Variants in GPAM observed in about 807,000 individuals in gnomAD.
The protein encoded by GPAM is glycerol-3-phosphate acyltransferase, mitochondrial, also known as glycerol-3-phosphate acyltransferase 1, mitochondrial.
A neutral mutation model predicts 105.0 loss-of-function variants in GPAM; 56 were observed. That is an observed-to-expected ratio of 0.53 (90% CI 0.43 to 0.67). The LOEUF (loss-of-function observed/expected upper bound fraction) is 0.67, where lower values mean the gene tolerates loss of function less well. GPAM is among the 30% of genes least tolerant of loss of function. The pLI, the probability that GPAM is intolerant of heterozygous loss-of-function variation, is 0.00. For missense variants in GPAM, 855 were observed against 989.8 expected (o/e 0.86, Z 1.83); for synonymous variants, 368 against 354.4 (o/e 1.04, Z -0.43).
chr10:112,215,176 T>G (rs900121902), exon 1 of GPAM: 2 of 152,208 alleles, frequency 1.3e-5, no homozygotes, highest in Non-Finnish European at 2.9e-5. Flanking sequence ...ACCTGTATCC[T>G]TGACTTGGTG....
chr10:112,169,649 A>C (rs1345242576), intron 9 of GPAM, among the ~76,000 whole-genome samples: 1 of 152,200 alleles, frequency 6.6e-6, no homozygotes, highest in Non-Finnish European at 1.5e-5. Flanking sequence ...TGATACTAAC[A>C]TAAACATTAA....
Position 112,150,996 on chromosome 10 carries a change from G to GT in GPAM, c.*2553dup, listed in dbSNP as rs1303653579. The GT allele has an allele frequency of 3.0e-6, 3 of 985,412 alleles. No individual in the cohort carries two copies. In the Admixed American group the frequency reaches 1.8e-4, roughly 61 times the overall value. The allele number at this position is 985,412 out of a possible 1,614,324, so 61.0% of individuals were successfully genotyped here. A position where few individuals can be genotyped will look rare whatever the true frequency, so the allele number is the denominator to read the frequency against. ...TAACAGTTCTACACATTTCCCACTA[G>GT]TTTTTGCCTTTGTTTTTCATGCATT... is the stretch of plus-strand genomic sequence containing the variant. On this transcript the variant is annotated 3_prime_UTR_variant, in exon 22 of 22. Coordinates refer to ENST00000348367, the MANE Select transcript of GPAM (RefSeq NM_001244949.2).
At chr10:112,172,646 G>A (rs1410041730) in intron 8 of GPAM, among the ~76,000 whole-genome samples, 1 of 152,192 alleles carries the variant, frequency 6.6e-6, no homozygotes, top group Non-Finnish European at 1.5e-5. Context: ...TCCAGGGCAA[G>A]TCACTTATTA....
At chr10:112,195,424 C>T (rs1044883452) in intron 1 of GPAM, among the ~76,000 whole-genome samples, 6 of 152,192 alleles carry the variant, frequency 3.9e-5, no homozygotes, top group Admixed American at 1.3e-4. Flanking sequence ...CACTTCCCCA[C>T]GAAAGCCAGG....
At chr10:112,213,185 C>T (rs1847931543) in intron 1 of GPAM, among the ~76,000 whole-genome samples, 1 of 152,178 alleles carries the variant, frequency 6.6e-6, no homozygotes, top group Non-Finnish European at 1.5e-5. Flanking sequence ...AGCCTGCTAT[C>T]ATTCATTCAT....
chr10:112,190,395 C>T (rs1847642514), intron 1 of GPAM, among the ~76,000 whole-genome samples: 1 of 151,568 alleles, frequency 6.6e-6, no homozygotes, highest in Non-Finnish European at 1.5e-5. Context: ...ATACCAGCTG[C>T]TCGGGAGGCT....
intron 5 of GPAM, among the ~76,000 whole-genome samples, chr10:112,177,001 A>T (rs1479715104): frequency 6.6e-6 from 1 of 152,108 alleles, no homozygotes; most frequent in African/African-American, 2.4e-5. Flanking sequence ...CATAAGGAAG[A>T]CTCTGAGATC....
At chr10:112,176,871 C>T (rs1417727766) in intron 5 of GPAM, among the ~76,000 whole-genome samples, 3 of 152,204 alleles carry the variant, frequency 2.0e-5, no homozygotes, top group Non-Finnish European at 4.4e-5. Context: ...GAACATGCAG[C>T]TTATTTCACT....
chr10:112,184,382 C>T (rs1396293233), upstream of GPAM, among the ~76,000 whole-genome samples: 1 of 152,146 alleles, frequency 6.6e-6, no homozygotes, highest in African/African-American at 2.4e-5. Context: ...CAAAAGTTCT[C>T]ACCATGAAAA....
intron 1 of GPAM, among the ~76,000 whole-genome samples, chr10:112,193,461 G>C (rs1312108977): frequency 2.0e-5 from 3 of 152,208 alleles, no homozygotes; most frequent in Non-Finnish European, 4.4e-5. Flanking sequence ...CTAAGATCTA[G>C]AGTAGAGCAG....
At chr10:112,191,101 C>A (rs771014762) in intron 1 of GPAM, among the ~76,000 whole-genome samples, 58 of 152,144 alleles carry the variant, frequency 3.8e-4, no homozygotes, top group Non-Finnish European at 7.4e-4. Context: ...GCCAATCAGA[C>A]GGGAAGACAA....
chr10:112,191,664 CA>C (rs961258811), intron 1 of GPAM, among the ~76,000 whole-genome samples: 2 of 151,882 alleles, frequency 1.3e-5, no homozygotes, highest in African/African-American at 4.8e-5. Context: ...TGATCAAAAG[CA>C]AAAAAATGAG....
In GPAM at chr10:112,160,469, G is replaced by A. The variant is rs116387616; in HGVS notation, c.1759+135C>T. The A allele has an allele frequency of 1.3e-3, 1,595 of 1,218,108 alleles. 16 individuals are homozygous for A. The African/African-American group carries it at 0.021, about 16-fold the overall frequency. The allele number at this position is 1,218,108 out of a possible 1,614,324, so 75.5% of individuals were successfully genotyped here. On this transcript the variant is annotated intron_variant, in intron 16 of 21. Coordinates refer to ENST00000348367, the MANE Select transcript of GPAM (RefSeq NM_001244949.2). The stretch of plus-strand genomic sequence containing the variant: ...TGATATAACAGGAGATTACATTTTC[G>A]TTTGAAAACTAAAATTATAGCCACA...
chr10:112,182,252 G>C (rs1213047924), intron 2 of GPAM, among the ~76,000 whole-genome samples: 1 of 152,112 alleles, frequency 6.6e-6, no homozygotes, highest in Non-Finnish European at 1.5e-5. Flanking sequence ...AATAGTTCCT[G>C]GCAGAAGGAA....
At chr10:112,211,000 G>C (rs1847904849) in intron 1 of GPAM, among the ~76,000 whole-genome samples, 1 of 152,230 alleles carries the variant, frequency 6.6e-6, no homozygotes, top group Non-Finnish European at 1.5e-5. Context: ...CCCCAGGTGG[G>C]TTAACTGCCC....
chr10:112,175,563 T>C, intron 6 of GPAM, 37 bp downstream of exon 6: 1 of 1,074,988 alleles, frequency 9.3e-7, no homozygotes, highest in Non-Finnish European at 1.5e-6. Context: ...CGCCCATCCC[T>C]GCCTCTTCCC....
intron 1 of GPAM, among the ~76,000 whole-genome samples, chr10:112,189,176 T>C (rs1847627209): frequency 6.6e-6 from 1 of 152,232 alleles, no homozygotes; most frequent in African/African-American, 2.4e-5. Flanking sequence ...TATCAAGAAC[T>C]TTTAAAGGAA....
intron 1 of GPAM, among the ~76,000 whole-genome samples, chr10:112,204,844 G>C (rs1428638735): frequency 7.5e-6 from 1 of 133,246 alleles, no homozygotes; most frequent in East Asian, 2.4e-4. Context: ...AGGAAATAAA[G>C]GGTATTCAAT....
chr10:112,209,904 G>A (rs1013057016), intron 1 of GPAM, among the ~76,000 whole-genome samples: 14 of 152,162 alleles, frequency 9.2e-5, no homozygotes, highest in African/African-American at 1.2e-4. Context: ...TACACTTCCC[G>A]CCAGCCCCAC....
Sources: gnomAD v4.1 joint callset for allele counts (sites outside exome capture counted in the v4.1 genomes callset) on GRCh38, gnomAD v4.1.1 for gene constraint, MANE v1.5 for transcripts, NCBI Gene and HGNC (gene_info 2026-07-23, HGNC 2026-07-21) for gene names.